Variants in TSHZ2 observed in about 807,000 individuals in gnomAD.
The protein encoded by TSHZ2 is teashirt zinc finger homeobox 2, also known as teashirt homolog 2.
A neutral mutation model predicts 74.4 loss-of-function variants in TSHZ2; 21 were observed. The ratio of observed to expected loss-of-function variants is 0.28; its 90% CI spans 0.20 to 0.41. TSHZ2 has a LOEUF of 0.41. TSHZ2 is among the 10% of genes least tolerant of loss of function. The probability of loss-of-function intolerance (pLI) is 1.00; values close to 1 mark genes in which losing one functional copy is unlikely to be tolerated. For synonymous variants in TSHZ2, 540 were observed against 515.3 expected, an observed-to-expected ratio of 1.05 and a Z score of -0.65; for missense variants, 1,244 against 1,293.5, an observed-to-expected ratio of 0.96 and a Z score of 0.59.
intron 2 of TSHZ2, among the ~76,000 whole-genome samples, chr20:53,393,771 AG>A (rs1459936448): frequency 6.6e-6 from 1 of 152,226 alleles, no homozygotes; most frequent in African/African-American, 2.4e-5. Flanking sequence ...ATTGTACTCC[AG>A]CTATTTAAGA....
intron 2 of TSHZ2, among the ~76,000 whole-genome samples, chr20:53,470,492 C>T (rs2145836010): frequency 6.6e-6 from 1 of 151,834 alleles, no homozygotes; most frequent in Non-Finnish European, 1.5e-5. Flanking sequence ...CTCCATTGCT[C>T]CTTTGCTTCC....
intron 2 of TSHZ2, among the ~76,000 whole-genome samples, chr20:53,374,437 TGCTCTG>T (rs1443914845): frequency 1.3e-5 from 2 of 152,230 alleles, no homozygotes; most frequent in Non-Finnish European, 2.9e-5. Context: ...TTGTGAATAG[TGCTCTG>T]ATGAACATAT....
At chr20:52,980,039 A>G (rs1981502498) in intron 1 of TSHZ2, among the ~76,000 whole-genome samples, 1 of 152,232 alleles carries the variant, frequency 6.6e-6, no homozygotes, top group Admixed American at 6.5e-5. Context: ...AGCCTGAAGC[A>G]GGGACTAATG....
At chr20:53,441,190 CT>C (rs1208828393) in intron 2 of TSHZ2, among the ~76,000 whole-genome samples, 3 of 150,308 alleles carry the variant, frequency 2.0e-5, no homozygotes, top group Admixed American at 2.0e-4. Flanking sequence ...TTACTTCTTC[CT>C]TTTTTTTCCA....
intron 2 of TSHZ2, among the ~76,000 whole-genome samples, chr20:53,353,972 C>T (rs1034309662): frequency 6.6e-6 from 1 of 152,182 alleles, no homozygotes; most frequent in Non-Finnish European, 1.5e-5. Flanking sequence ...CAATATCAGG[C>T]ACATTGGGAC....
chr20:52,979,338 C>T (rs910996241), intron 1 of TSHZ2, among the ~76,000 whole-genome samples: 3 of 152,188 alleles, frequency 2.0e-5, no homozygotes, highest in Non-Finnish European at 1.5e-5. Flanking sequence ...CAACGGTTCA[C>T]TGCTAGTCTA....
Position 53,255,945 on chromosome 20 carries a change from G to C in TSHZ2, c.2487G>C (p.Glu829Asp). The change falls in exon 2 of 3, where the codon GAG (glutamate) becomes GAC (aspartate). Residue 829 changes from glutamate to aspartate, a missense_variant. Glu to Asp is a conservative substitution (Grantham distance 45, BLOSUM62 2). This residue lies in a region of TSHZ2 where 562 missense variants were observed against 544.0 expected (regional missense o/e 1.03). Coordinates refer to ENST00000371497, the MANE Select transcript of TSHZ2 (RefSeq NM_173485.6). This position sits in a 1 kb window ranked among gnomAD's most constrained non-coding sequence, Gnocchi z 4.1. ...TGGAAATGGATGTCAGGCGCTTTGA[G>C]GATGTCTCCAGTGAAGTCTCAACTT... ...MKLEMDVRRF[E>D]DVSSEVSTLH... 1 of 1,614,182 alleles carries C rather than the reference G, an allele frequency of 6.2e-7. No homozygotes were observed. Among genetic ancestry groups the C allele is most frequent in the Non-Finnish European group, 8.5e-7 (1 of 1,180,024 alleles).
intron 1 of TSHZ2, among the ~76,000 whole-genome samples, chr20:53,204,252 T>TAAC (rs1989095008): frequency 1.8e-5 from 2 of 112,676 alleles, no homozygotes; most frequent in Non-Finnish European, 4.0e-5. Flanking sequence ...TATATCATCA[T>TAAC]ATGATGATAT....
At chr20:53,008,704 G>A (rs1203477526) in intron 1 of TSHZ2, among the ~76,000 whole-genome samples, 1 of 152,062 alleles carries the variant, frequency 6.6e-6, no homozygotes, top group Non-Finnish European at 1.5e-5. Flanking sequence ...AAAAGTAGTC[G>A]ATATAAAGGC....
In TSHZ2 at chr20:53,269,233, A is replaced by G. The variant is rs531001570; in HGVS notation, c.*8+12662A>G. ...CTCAACCCCCAGCCCTTGATCACCT[A>G]AAGAAAAAAACCCTTTCATTTACTT... On this transcript the variant is annotated intron_variant, in intron 2 of 2. Coordinates refer to ENST00000371497, the MANE Select transcript of TSHZ2 (RefSeq NM_173485.6). Among the ~76,000 whole-genome samples, 39 of 152,166 alleles carry G rather than the reference A, an allele frequency of 2.6e-4. 1 individual carries two copies. In the South Asian group the frequency reaches 7.1e-3, roughly 28 times the overall value.
At chr20:52,981,016 G>A (rs1286219153) in intron 1 of TSHZ2, among the ~76,000 whole-genome samples, 1 of 152,138 alleles carries the variant, frequency 6.6e-6, no homozygotes, top group East Asian at 1.9e-4. Flanking sequence ...CTATGTGCAC[G>A]GTGCCATTTG....
At chr20:53,107,738 C>T (rs1462427116) in intron 1 of TSHZ2, among the ~76,000 whole-genome samples, 2 of 152,172 alleles carry the variant, frequency 1.3e-5, no homozygotes, top group Non-Finnish European at 1.5e-5. Flanking sequence ...ACCGTATCTT[C>T]ATGTCTGTTC....
At chr20:53,166,922 A>T (rs1007415934) in intron 1 of TSHZ2, among the ~76,000 whole-genome samples, 16 of 152,320 alleles carry the variant, frequency 1.1e-4, no homozygotes, top group South Asian at 4.1e-4. Context: ...GTATTATATT[A>T]AAAAAACCTG....
intron 2 of TSHZ2, among the ~76,000 whole-genome samples, chr20:53,314,563 C>T (rs780960072): frequency 1.3e-5 from 2 of 151,830 alleles, no homozygotes; most frequent in Non-Finnish European, 2.9e-5. Context: ...TGCTCCTCCA[C>T]CTGATTGCTC....
At chr20:53,048,900 T>C (rs1600665173) in intron 1 of TSHZ2, among the ~76,000 whole-genome samples, 1 of 152,172 alleles carries the variant, frequency 6.6e-6, no homozygotes, top group African/African-American at 2.4e-5. Context: ...CTCTGCACAT[T>C]TTTAAAATAA....
At chr20:53,009,327 G>A (rs556257924) in intron 1 of TSHZ2, among the ~76,000 whole-genome samples, 50 of 152,096 alleles carry the variant, frequency 3.3e-4, no homozygotes, top group Non-Finnish European at 5.6e-4. Flanking sequence ...GATAAAATGA[G>A]ACCCTACCTC....
At chr20:53,055,594 C>G (rs1332396839) in intron 1 of TSHZ2, among the ~76,000 whole-genome samples, 1 of 152,156 alleles carries the variant, frequency 6.6e-6, no homozygotes. Flanking sequence ...TACTCCTCCT[C>G]TCGTTGGAAC....
At chr20:53,408,004 T>G (rs1982910463) in intron 2 of TSHZ2, among the ~76,000 whole-genome samples, 1 of 152,242 alleles carries the variant, frequency 6.6e-6, no homozygotes, top group Non-Finnish European at 1.5e-5. Context: ...ATTTGGCCTG[T>G]GGGTCACAGT....
At chr20:53,234,769 G>A (rs1989902533) in intron 1 of TSHZ2, among the ~76,000 whole-genome samples, 2 of 152,112 alleles carry the variant, frequency 1.3e-5, no homozygotes, top group Admixed American at 1.3e-4. Flanking sequence ...CCAGGAAGAG[G>A]GAAATAGAAG....
Sources: allele counts gnomAD v4.1 joint callset (sites outside exome capture counted in the v4.1 genomes callset), GRCh38; gene constraint gnomAD v4.1.1; regional missense constraint gnomAD v4.1.1; non-coding constraint Gnocchi (gnomAD v3.1); transcripts MANE v1.5; gene names NCBI Gene and HGNC (gene_info 2026-07-23, HGNC 2026-07-21).